Variants in PLEKHH1 observed in about 807,000 individuals in gnomAD.
The protein encoded by PLEKHH1 is pleckstrin homology, MyTH4 and FERM domain containing H1, also known as pleckstrin homology domain-containing family H member 1.
In PLEKHH1, 104 loss-of-function variants were observed where a neutral mutation model predicts 160.0. The observed-to-expected ratio is 0.65, with a 90% CI of 0.55 to 0.76. The LOEUF (loss-of-function observed/expected upper bound fraction) is 0.76. Among genes scored for constraint, PLEKHH1 ranks in the 30% least tolerant of loss-of-function variants. The pLI is 0.00. For synonymous variants in PLEKHH1, 619 were observed against 678.4 expected, an observed-to-expected ratio of 0.91 and a Z score of 1.36; for missense variants, 1,427 against 1,724.1, an observed-to-expected ratio of 0.83 and a Z score of 3.05.
chr14:67,584,056 T>G lies in PLEKHH1; in HGVS notation c.3631T>G (p.Cys1211Gly), dbSNP rs1158616488. The G allele has an allele frequency of 2.5e-6, 4 of 1,613,852 alleles. No individual in the cohort carries two copies. Among genetic ancestry groups the G allele is most frequent in the Non-Finnish European group, 3.4e-6 (4 of 1,179,746 alleles). The change falls in exon 26 of 29, where the codon TGC (cysteine) becomes GGC (glycine). Residue 1211 changes from cysteine to glycine, a missense_variant. Physicochemically the swap from Cys to Gly is radical, Grantham distance 159. Transcript: ENST00000329153. ...ATLQGCSPPE[C>G]IRIYLTVARK... ...ATTGCAAGGATGCTCCCCTCCTGAG[T>G]GCATCCGCATCTACCTGACCGTGGC...
chr14:67,582,087 A>G lies in PLEKHH1; in HGVS notation c.3303A>G (p.Gln1101=), dbSNP rs753746309. Reference sequence around the variant, plus strand: ...TTTGTAGGCTGTACTTTCGCAGTCAAGTCAAAGGGGAGACGGACCGAGAAC... The same window carrying G: ...TTTGTAGGCTGTACTTTCGCAGTCAGGTCAAAGGGGAGACGGACCGAGAAC... ...MYKNRLYFRS[Q]VKGETDRERL... Residue 1101 remains glutamine (Q), a synonymous_variant, in exon 24 of 29, where the codon CAA becomes CAG. Coordinates refer to ENST00000329153, the MANE Select transcript of PLEKHH1 (RefSeq NM_020715.3). This position sits in a 1 kb window ranked among gnomAD's most constrained non-coding sequence, Gnocchi z 5.0. The G allele has an allele frequency of 6.2e-7, 1 of 1,611,846 alleles. No homozygotes were observed. Among genetic ancestry groups the G allele is most frequent in the African/African-American group, 1.3e-5 (1 of 74,992 alleles).
intron 2 of PLEKHH1, among the ~76,000 whole-genome samples, chr14:67,548,763 C>G (rs1201535030): frequency 3.9e-5 from 6 of 152,202 alleles, no homozygotes; most frequent in African/African-American, 1.4e-4. Flanking sequence ...AAACTTCTAA[C>G]TGAAGCAGCG....
intron 1 of PLEKHH1, among the ~76,000 whole-genome samples, chr14:67,534,062 C>T (rs1465735608): frequency 6.6e-6 from 1 of 152,066 alleles, no homozygotes; most frequent in Non-Finnish European, 1.5e-5. Flanking sequence ...TAAAACTCTT[C>T]CAAGACAGAG....
chr14:67,545,879 C>T (rs749375367), intron 2 of PLEKHH1, among the ~76,000 whole-genome samples: 1 of 152,008 alleles, frequency 6.6e-6, no homozygotes, highest in Non-Finnish European at 1.5e-5. Flanking sequence ...ATCCCAGATC[C>T]GTGCTCATGG....
At chr14:67,545,157 G>T (rs2034126959) in intron 2 of PLEKHH1, among the ~76,000 whole-genome samples, 1 of 152,146 alleles carries the variant, frequency 6.6e-6, no homozygotes, top group South Asian at 2.1e-4. Flanking sequence ...TTTGAAGATG[G>T]GTCATCTGAT....
chr14:67,550,377 C>T (rs186339082), intron 2 of PLEKHH1, among the ~76,000 whole-genome samples: 1 of 152,272 alleles, frequency 6.6e-6, no homozygotes, highest in African/African-American at 2.4e-5. Flanking sequence ...TTAGTAGAGA[C>T]AAGGTTTCAA....
intron 7 of PLEKHH1, among the ~76,000 whole-genome samples, chr14:67,563,803 G>A (rs1257639273): frequency 2.7e-5 from 4 of 149,076 alleles, no homozygotes; most frequent in Non-Finnish European, 4.4e-5. Flanking sequence ...GCACGGTCTC[G>A]GCTCACTGCA....
intron 5 of PLEKHH1, among the ~76,000 whole-genome samples, chr14:67,560,371 G>A (rs1445589381): frequency 6.6e-6 from 1 of 152,166 alleles, no homozygotes; most frequent in African/African-American, 2.4e-5. Flanking sequence ...ATTTGTGTGT[G>A]TGTGGTAAAA....
In PLEKHH1 at chr14:67,573,912, A is replaced by AT. The variant is rs757884150; in HGVS notation, c.1926+29dup. ...GGTGAGCACGCTCCTGGCTGCTAGT[A>AT]TTTTAAACAGAAGAGGTGCTGGGTT... On this transcript the variant is annotated intron_variant, in intron 13 of 28. Coordinates refer to ENST00000329153, the MANE Select transcript of PLEKHH1 (RefSeq NM_020715.3). This position sits in a 1 kb window ranked among gnomAD's most constrained non-coding sequence, Gnocchi z 4.8. The AT allele has an allele frequency of 6.5e-7, 1 of 1,550,260 alleles. No homozygotes were observed. Among genetic ancestry groups the AT allele is most frequent in the South Asian group, 1.1e-5 (1 of 89,854 alleles).
chr14:67,556,977 T>C (rs1161538293), intron 3 of PLEKHH1, among the ~76,000 whole-genome samples: 1 of 152,230 alleles, frequency 6.6e-6, no homozygotes, highest in Non-Finnish European at 1.5e-5. Flanking sequence ...CAGAGGTCAA[T>C]GGCACAAGAC....
rs780838899 is a variant in PLEKHH1 at position 67,562,028 on chromosome 14, G to T, written c.498G>T (p.Ala166=). The T allele has an allele frequency of 1.9e-6, 3 of 1,612,986 alleles. No individual in the cohort carries two copies. The highest frequency in any genetic ancestry group is 2.5e-6 in the Non-Finnish European group (3 of 1,178,996). Residue 166 remains alanine (A), a synonymous_variant, in exon 6 of 29, where the codon GCG becomes GCT. Coordinates refer to ENST00000329153, the MANE Select transcript of PLEKHH1 (RefSeq NM_020715.3). The stretch of plus-strand genomic sequence containing the variant: ...AGCAGGTGGGATCCCTTCAAGATGC[G>T]CTAGAAGGTAGGCAGGCCAGGGTGT... The part of the protein sequence containing the change: ...LVEQVGSLQD[A]LEAIQIAPSR...
chr14:67,573,401 GC>G lies in PLEKHH1; in HGVS notation c.1839+18del. The G allele has an allele frequency of 7.0e-7, 1 of 1,425,680 alleles. No individual in the cohort carries two copies. The highest frequency in any genetic ancestry group is 9.9e-7 in the Non-Finnish European group (1 of 1,008,418). 88.3% of individuals were successfully genotyped at this position (1,425,680 alleles called of 1,614,324 possible). ...ACAAGTCCCCGGTGAGAGTCTCCCCGCCCAGCACTGCAGTCAAAAGGTCTCC... is the reference window on the plus strand; with the variant it reads ...ACAAGTCCCCGGTGAGAGTCTCCCCGCCAGCACTGCAGTCAAAAGGTCTCC... On this transcript the variant is annotated intron_variant, in intron 12 of 28. Coordinates refer to ENST00000329153, the MANE Select transcript of PLEKHH1 (RefSeq NM_020715.3). The surrounding 1 kb of genome is among the most constrained non-coding windows in gnomAD (Gnocchi z 4.8).
At chr14:67,572,371 A>G in intron 11 of PLEKHH1, 94 bp downstream of exon 11, 2 of 623,960 alleles carry the variant, frequency 3.2e-6, no homozygotes, top group East Asian at 5.8e-5. Context: ...AGCTGCCTGA[A>G]GTGAGGGGTC....
At chr14:67,548,480 C>T (rs964432355) in intron 2 of PLEKHH1, among the ~76,000 whole-genome samples, 1 of 152,078 alleles carries the variant, frequency 6.6e-6, no homozygotes, top group Admixed American at 6.6e-5. Context: ...GGCAGATCAC[C>T]TGAGGTCGGG....
chr14:67,556,071 G>A (rs551305541), intron 3 of PLEKHH1, among the ~76,000 whole-genome samples, 184 bp downstream of exon 3: 1 of 152,314 alleles, frequency 6.6e-6, no homozygotes, highest in African/African-American at 2.4e-5. Flanking sequence ...TGTAGCAAGT[G>A]GGCATAGTAG....
chr14:67,577,232 G>T, intron 17 of PLEKHH1, 70 bp from the exon 18 acceptor site: 2 of 929,166 alleles, frequency 2.2e-6, no homozygotes, highest in Non-Finnish European at 3.4e-6. Flanking sequence ...ATTAAAGATG[G>T]CGGTGAGTGG....
rs985944567 is a variant in PLEKHH1, at chr14:67,578,980, A to T, written c.2850-154A>T. On this transcript the variant is annotated intron_variant, in intron 20 of 28. Transcript: ENST00000329153. The surrounding 1 kb of genome is among the most constrained non-coding windows in gnomAD (Gnocchi z 5.0). ...ACCTGCTATATAAAGGTCCTGAATG[A>T]CAAATTAATGTCCCAGACCAGAGTC... is the stretch of plus-strand genomic sequence containing the variant. Among the ~76,000 whole-genome samples, 1 of 152,244 alleles carries T rather than the reference A, an allele frequency of 6.6e-6. No homozygotes were observed. Among genetic ancestry groups the T allele is most frequent in the Non-Finnish European group, 1.5e-5 (1 of 68,042 alleles).
intron 7 of PLEKHH1, among the ~76,000 whole-genome samples, chr14:67,565,666 G>C (rs1021498320): frequency 6.6e-6 from 1 of 152,164 alleles, no homozygotes; most frequent in Non-Finnish European, 1.5e-5. Context: ...ATGCTGCTGG[G>C]GTGTGTAGCA....
intron 9 of PLEKHH1, chr14:67,570,397 G>A (rs1173827396): frequency 2.1e-6 from 1 of 469,778 alleles, no homozygotes; most frequent in Non-Finnish European, 2.8e-6. Context: ...AAATCAGATA[G>A]AATTGCAATA....
Sources: allele counts gnomAD v4.1 joint callset (sites outside exome capture counted in the v4.1 genomes callset), GRCh38; gene constraint gnomAD v4.1.1; non-coding constraint Gnocchi (gnomAD v3.1); transcripts MANE v1.5; gene names NCBI Gene and HGNC (gene_info 2026-07-23, HGNC 2026-07-21).